Variants in CBX5 observed in about 807,000 individuals in gnomAD.
CBX5 encodes chromobox protein homolog 5.
A neutral mutation model predicts 20.7 loss-of-function variants in CBX5; 7 were observed. The ratio of observed to expected loss-of-function variants is 0.34; its 90% CI spans 0.19 to 0.63. CBX5 has a LOEUF of 0.63. Ranked by LOEUF, CBX5 falls within the 30% of genes least tolerant of loss-of-function variation. The pLI is 0.75. For missense variants in CBX5, 110 were observed against 224.1 expected (o/e 0.49, Z 3.25); for synonymous variants, 78 against 77.0 (o/e 1.01, Z -0.07).
chr12:54,259,925 T>C (rs1486480069), intron 1 of CBX5, among the ~76,000 whole-genome samples: 2 of 152,096 alleles, frequency 1.3e-5, no homozygotes, highest in Non-Finnish European at 2.9e-5. Flanking sequence ...AAAGGCTCGA[T>C]CCTTCTACAA....
Position 54,240,583 on chromosome 12 carries a change from G to C in CBX5, c.*1172C>G, listed in dbSNP as rs1450457830. The stretch of plus-strand genomic sequence containing the variant: ...CTATAAGTTTGAGGGTAGAAAAAGG[G>C]AAGAGCATTAATATTTTGGGGACTC... On this transcript the variant is annotated 3_prime_UTR_variant, in exon 5 of 5. Coordinates refer to ENST00000209875, the MANE Select transcript of CBX5 (RefSeq NM_012117.3). 6.6e-6 allele frequency: 1 copy of C among 151,878 alleles called. No individual in the cohort carries two copies. The highest frequency in any genetic ancestry group is 1.5e-5 in the Non-Finnish European group (1 of 67,940). The allele number at this position is 151,878 out of a possible 1,614,324, so 9.4% of individuals were successfully genotyped here.
rs1198938138 is a variant in CBX5 at position 54,233,524 on chromosome 12, AT to A, written c.*8230del. On this transcript the variant is annotated 3_prime_UTR_variant, in exon 5 of 5. Transcript: ENST00000209875. ...CTGTCTTTTCAGGTGTTCTCAAAGA[AT>A]TTCTAGGCAGAAAGCCTCTCCTTTC... 2 of 152,206 alleles carry A rather than the reference AT, an allele frequency of 1.3e-5. No individual in the cohort carries two copies. Among genetic ancestry groups the A allele is most frequent in the Non-Finnish European group, 1.5e-5 (1 of 68,050 alleles). The allele number at this position is 152,206 out of a possible 1,614,324, so 9.4% of individuals were successfully genotyped here. A position where few individuals can be genotyped will look rare whatever the true frequency, so the allele number is the denominator to read the frequency against.
rs149457688 is a variant in CBX5, at chr12:54,252,264, G to C, written c.138-37C>G. ...AAATGGGAAAATTAAAAAAAAAAGG[G>C]GGGGGTAAAGAATGAGGAAAAAAAT... On this transcript the variant is annotated intron_variant, in intron 2 of 4. Coordinates refer to ENST00000209875, the MANE Select transcript of CBX5 (RefSeq NM_012117.3). 172 of 1,473,628 alleles carry C rather than the reference G, an allele frequency of 1.2e-4. No individual in the cohort carries two copies. The South Asian group carries it at 2.1e-3, about 18-fold the overall frequency. The allele number at this position is 1,473,628 out of a possible 1,614,324, so 91.3% of individuals were successfully genotyped here. A position where few individuals can be genotyped will look rare whatever the true frequency, so the allele number is the denominator to read the frequency against.
intron 3 of CBX5, among the ~76,000 whole-genome samples, chr12:54,246,527 A>AT (rs892985201): frequency 5.9e-5 from 9 of 152,302 alleles, no homozygotes; most frequent in African/African-American, 1.7e-4. Flanking sequence ...CACGCCTGTA[A>AT]TCTCAGCACT....
At chr12:54,262,286 G>C (rs1325965057) in intron 1 of CBX5, among the ~76,000 whole-genome samples, 1 of 152,194 alleles carries the variant, frequency 6.6e-6, no homozygotes, top group Non-Finnish European at 1.5e-5. Context: ...AATGAGGAAA[G>C]AGACAAAAAT....
rs73321078 is a variant in CBX5, at chr12:54,275,696, C to T, written c.-43+4312G>A. On this transcript the variant is annotated intron_variant, in intron 1 of 4. Transcript: ENST00000209875. ...AATTTCACCACCAGAGAGAAAAGTT[C>T]ATCATATCTATTAACTACCACATTG... Among the ~76,000 whole-genome samples the T allele has an allele frequency of 2.2e-3, 335 of 151,982 alleles. 3 individuals carry two copies. Among genetic ancestry groups the T allele is most frequent in the African/African-American group, 7.8e-3 (324 of 41,476 alleles).
intron 2 of CBX5, among the ~76,000 whole-genome samples, chr12:54,253,705 G>A (rs1349298445): frequency 7.0e-6 from 1 of 143,772 alleles, no homozygotes; most frequent in African/African-American, 2.6e-5. Context: ...TCCCACCTGG[G>A]TAACAGAGTG....
At chr12:54,251,288 G>A (rs1161856152) in intron 3 of CBX5, among the ~76,000 whole-genome samples, 3 of 151,904 alleles carry the variant, frequency 2.0e-5, no homozygotes, top group Admixed American at 6.6e-5. Context: ...GCGAAACCCC[G>A]TCTCTATTAA....
chr12:54,252,560 A>C (rs1474196405), intron 2 of CBX5: 1 of 215,650 alleles, frequency 4.6e-6, no homozygotes, highest in Admixed American at 5.9e-5. Flanking sequence ...AACAATAAGC[A>C]AAATATTAAA....
At chr12:54,271,986 T>C (rs1944015050) in intron 1 of CBX5, 2 of 152,228 alleles carry the variant, frequency 1.3e-5, no homozygotes, top group Admixed American at 1.3e-4. Context: ...ATTAGCAGTA[T>C]ATTACCCTCC....
At chr12:54,247,840 A>ATT (rs1175819369) in intron 3 of CBX5, among the ~76,000 whole-genome samples, 10 of 137,838 alleles carry the variant, frequency 7.3e-5, no homozygotes, top group African/African-American at 8.0e-5. Context: ...CCCCTGGCTA[A>ATT]TTTTTTTTTT....
chr12:54,267,359 G>A lies in CBX5; in HGVS notation c.-42-9667C>T, dbSNP rs116052756. On this transcript the variant is annotated intron_variant, in intron 1 of 4. Coordinates refer to ENST00000209875, the MANE Select transcript of CBX5 (RefSeq NM_012117.3). ...TATGGTCATAAAGCATTTTCCAAAC[G>A]TCAGCCATAAAATTAAGACTCAGTC... 2.8e-3 allele frequency among the ~76,000 whole-genome samples: 419 copies of A among 152,210 alleles called. 1 individual carries two copies. Among genetic ancestry groups the A allele is most frequent in the African/African-American group, 9.4e-3 (389 of 41,546 alleles).
chr12:54,276,248 T>A (rs901650135), intron 1 of CBX5, among the ~76,000 whole-genome samples: 3 of 152,194 alleles, frequency 2.0e-5, no homozygotes, highest in African/African-American at 7.2e-5. Context: ...GATAAACCCA[T>A]CATAGGTTGA....
chr12:54,241,948 A>G, intron 4 of CBX5, 43 bp from the exon 5 acceptor site: 1 of 1,582,706 alleles, frequency 6.3e-7, no homozygotes, highest in Non-Finnish European at 8.6e-7. Context: ...AGGAAGAGTG[A>G]AAGAATCTGT....
Position 54,266,091 on chromosome 12 carries a change from G to A in CBX5, c.-42-8399C>T, listed in dbSNP as rs1285864795. Among the ~76,000 whole-genome samples the A allele has an allele frequency of 2.0e-5, 3 of 148,868 alleles. No individual in the cohort carries two copies. The South Asian group carries it at 6.3e-4, about 31-fold the overall frequency. Reference sequence around the variant, plus strand: ...CGAAACCTCCTACTACAGTGAGCAAGGGAGTAAAGGGCCTTTTGTTCTTTT... The same window carrying A: ...CGAAACCTCCTACTACAGTGAGCAAAGGAGTAAAGGGCCTTTTGTTCTTTT... On this transcript the variant is annotated intron_variant, in intron 1 of 4. Coordinates refer to ENST00000209875, the MANE Select transcript of CBX5 (RefSeq NM_012117.3).
intron 1 of CBX5, among the ~76,000 whole-genome samples, chr12:54,279,312 A>C (rs926687127): frequency 2.6e-5 from 4 of 152,286 alleles, no homozygotes; most frequent in East Asian, 3.9e-4. Context: ...ACAAAAAAAA[A>C]CAACTCCTGT....
At chr12:54,268,151 C>CA (rs1270695320) in intron 1 of CBX5, among the ~76,000 whole-genome samples, 1 of 151,986 alleles carries the variant, frequency 6.6e-6, no homozygotes, top group Non-Finnish European at 1.5e-5. Flanking sequence ...CTCAAACAAA[C>CA]AACAACAAAA....
At chr12:54,260,746 G>C (rs575240358) in intron 1 of CBX5, among the ~76,000 whole-genome samples, 1 of 152,220 alleles carries the variant, frequency 6.6e-6, no homozygotes, top group East Asian at 1.9e-4. Flanking sequence ...AAGATATATA[G>C]AGACTTGAAA....
intron 2 of CBX5, 80 bp downstream of exon 2, chr12:54,257,434 T>G: frequency 2.1e-6 from 3 of 1,463,148 alleles, no homozygotes; most frequent in East Asian, 4.5e-5. Context: ...AAGACAAAAA[T>G]GCTTGTGATT....
Sources: gnomAD v4.1 joint callset for allele counts (sites outside exome capture counted in the v4.1 genomes callset) on GRCh38, gnomAD v4.1.1 for gene constraint, MANE v1.5 for transcripts, NCBI Gene and HGNC (gene_info 2026-07-23, HGNC 2026-07-21) for gene names.